Variants in CPN1 observed in about 807,000 individuals in gnomAD.
The protein encoded by CPN1 is carboxypeptidase N subunit 1.
Under a neutral mutation model 46.4 loss-of-function variants are expected in CPN1, and 37 were observed. The ratio of observed to expected loss-of-function variants is 0.80; its 90% CI spans 0.61 to 1.05. CPN1 has a LOEUF of 1.05. Ranked by LOEUF, CPN1 falls within the 50% of genes least tolerant of loss-of-function variation. CPN1 has a pLI of 0.00. For synonymous variants in CPN1, 224 were observed against 235.4 expected (o/e 0.95, Z 0.44); for missense variants, 563 against 602.6 (o/e 0.93, Z 0.69).
At chr10:100,052,015 C>A (rs2133428773) in intron 7 of CPN1, among the ~76,000 whole-genome samples, 1 of 152,110 alleles carries the variant, frequency 6.6e-6, no homozygotes, top group Admixed American at 6.6e-5. Flanking sequence ...ATTCTCATGC[C>A]TCTGTGCCTC....
At chr10:100,057,387 T>C (rs771667431) in intron 5 of CPN1, among the ~76,000 whole-genome samples, 1 of 152,160 alleles carries the variant, frequency 6.6e-6, no homozygotes, top group Non-Finnish European at 1.5e-5. Context: ...TGTATAGTGA[T>C]TGGTGTAAAT....
intron 2 of CPN1, among the ~76,000 whole-genome samples, chr10:100,074,564 T>G (rs1039367411): frequency 6.6e-6 from 1 of 152,140 alleles, no homozygotes; most frequent in Non-Finnish European, 1.5e-5. Flanking sequence ...TACAGGCATA[T>G]GCCACCATGC....
intron 4 of CPN1, among the ~76,000 whole-genome samples, chr10:100,064,196 CA>C (rs1004930590): frequency 1.3e-5 from 2 of 151,906 alleles, no homozygotes; most frequent in African/African-American, 4.8e-5. Context: ...TCGTGCGTTG[CA>C]GGGAGAGGAA....
At chr10:100,060,433 G>A (rs1370061970) in intron 5 of CPN1, among the ~76,000 whole-genome samples, 3 of 152,008 alleles carry the variant, frequency 2.0e-5, no homozygotes, top group Non-Finnish European at 4.4e-5. Context: ...GTGGTGGCAG[G>A]TCCCTGTAGT....
intron 5 of CPN1, among the ~76,000 whole-genome samples, chr10:100,061,281 C>T (rs2041415941): frequency 6.6e-6 from 1 of 152,080 alleles, no homozygotes; most frequent in South Asian, 2.1e-4. Context: ...GTCATTTACC[C>T]TGATGTAATT....
Position 100,081,682 on chromosome 10 carries a change from C to G in CPN1, c.-57G>C. 1 of 1,467,476 alleles carries G rather than the reference C, an allele frequency of 6.8e-7. No homozygotes were observed. Among genetic ancestry groups the G allele is most frequent in the Non-Finnish European group, 9.4e-7 (1 of 1,061,332 alleles). 90.9% of individuals were successfully genotyped at this position (1,467,476 alleles called of 1,614,324 possible). A position where few individuals can be genotyped will look rare whatever the true frequency, so the allele number is the denominator to read the frequency against. On this transcript the variant is annotated 5_prime_UTR_variant, in exon 1 of 9. Coordinates refer to ENST00000370418, the MANE Select transcript of CPN1 (RefSeq NM_001308.3). ...AACGCGCCCCACCTCCTTAAACAAC[C>G]TAGCCTCTTCACCCGCCAAAATCCA...
Position 100,054,443 on chromosome 10 carries a change from GA to G in CPN1, c.1014del (p.His339ThrfsTer61). The G allele has an allele frequency of 6.2e-7, 1 of 1,610,668 alleles. No homozygotes were observed. The highest frequency in any genetic ancestry group is 8.5e-7 in the Non-Finnish European group (1 of 1,176,862). ...REALIQFLEQ[V>X]HQGIKGMVLD... is the part of the protein sequence containing the mutation. ...AGCACCATTCCCTTGATGCCCTGGT[GA>G]ACCTGCAGGAACAAGTATATAGTTA... On this transcript the variant is annotated frameshift_variant and splice_region_variant, in exon 7 of 9. Transcript: ENST00000370418. LOFTEE classifies it high-confidence loss of function.
chr10:100,076,178 T>C, intron 1 of CPN1, 71 bp from the exon 2 acceptor site: 1 of 1,442,862 alleles, frequency 6.9e-7, no homozygotes, highest in Non-Finnish European at 9.7e-7. Context: ...AAGGACCTTT[T>C]TTCTCTTTTT....
chr10:100,057,060 G>T lies in CPN1; in HGVS notation c.964C>A (p.Arg322=), dbSNP rs201387563. 3 of 1,613,952 alleles carry T rather than the reference G, an allele frequency of 1.9e-6. No individual in the cohort carries two copies. The highest frequency in any genetic ancestry group is 2.5e-6 in the Non-Finnish European group (3 of 1,180,010). The change falls in exon 6 of 9, where the codon CGG becomes AGG. Residue 322 remains arginine, a synonymous_variant. Coordinates refer to ENST00000370418, the MANE Select transcript of CPN1 (RefSeq NM_001308.3). ...DKFPPEEELQ[R]EWLGNREALI... ...GCTTCCCGATTACCCAGCCACTCCC[G>T]CTGTAACTCCTCTTCGGGGGGAAAC...
intron 1 of CPN1, among the ~76,000 whole-genome samples, chr10:100,080,571 G>T (rs905800564): frequency 6.6e-6 from 1 of 152,050 alleles, no homozygotes; most frequent in African/African-American, 2.4e-5. Flanking sequence ...ATCCAAACAT[G>T]GATTGCTTTT....
rs141004600 is a variant in CPN1, at chr10:100,078,562, C to A, written c.224-2455G>T. ...TTTTATAAAGAACTAGAGAGTAAAT[C>A]CTTTAGGCTTTGTGGGCCGTGATGT... On this transcript the variant is annotated intron_variant, in intron 1 of 8. Coordinates refer to ENST00000370418, the MANE Select transcript of CPN1 (RefSeq NM_001308.3). 2.2e-3 allele frequency among the ~76,000 whole-genome samples: 339 copies of A among 152,296 alleles called. 1 individual carries two copies. The highest frequency in any genetic ancestry group is 7.9e-3 in the African/African-American group (328 of 41,556).
chr10:100,054,143 T>C (rs762872157), intron 7 of CPN1, among the ~76,000 whole-genome samples: 1 of 152,180 alleles, frequency 6.6e-6, no homozygotes, highest in Non-Finnish European at 1.5e-5. Context: ...CAAAAGATTT[T>C]CCATTAAAAC....
intron 2 of CPN1, among the ~76,000 whole-genome samples, chr10:100,072,135 G>A (rs1236760169): frequency 1.3e-5 from 2 of 152,174 alleles, no homozygotes; most frequent in Non-Finnish European, 2.9e-5. Flanking sequence ...TAGAACTGCC[G>A]AGTCATAAGC....
chr10:100,076,709 CGA>C (rs1224616195), intron 1 of CPN1, among the ~76,000 whole-genome samples: 12 of 152,232 alleles, frequency 7.9e-5, no homozygotes, highest in African/African-American at 2.9e-4. Context: ...AGCTCCGCAG[CGA>C]TGGATCTAAG....
intron 8 of CPN1, 83 bp downstream of exon 8, chr10:100,048,675 G>T (rs915022078): frequency 9.8e-7 from 1 of 1,023,062 alleles, no homozygotes; most frequent in Non-Finnish European, 1.5e-6. Context: ...CTCCAGCCTG[G>T]GTGACAGAGC....
intron 6 of CPN1, among the ~76,000 whole-genome samples, chr10:100,054,824 T>C (rs912722818): frequency 6.7e-6 from 1 of 150,252 alleles, no homozygotes; most frequent in African/African-American, 2.4e-5. Flanking sequence ...GGTGTCCTGG[T>C]TTTCTTTTCT....
intron 7 of CPN1, among the ~76,000 whole-genome samples, chr10:100,053,232 A>T (rs2041365730): frequency 6.6e-6 from 1 of 152,208 alleles, no homozygotes; most frequent in African/African-American, 2.4e-5. Flanking sequence ...ATCACTTTAA[A>T]GGACAGAAAG....
intron 2 of CPN1, among the ~76,000 whole-genome samples, chr10:100,071,498 T>C (rs1477519181): frequency 6.6e-6 from 1 of 152,180 alleles, no homozygotes; most frequent in African/African-American, 2.4e-5. Context: ...ATTCGCAAAT[T>C]TCTTTCTTCT....
chr10:100,068,701 A>G (rs2041468572), intron 3 of CPN1, among the ~76,000 whole-genome samples: 1 of 151,904 alleles, frequency 6.6e-6, no homozygotes, highest in South Asian at 2.1e-4. Context: ...CACCCAGCTA[A>G]ATTTTGTATT....
Sources: allele counts gnomAD v4.1 joint callset (sites outside exome capture counted in the v4.1 genomes callset), GRCh38; gene constraint gnomAD v4.1.1; transcripts MANE v1.5; gene names NCBI Gene and HGNC (gene_info 2026-07-23, HGNC 2026-07-21).